Variants in PVT1 observed in about 807,000 individuals in gnomAD.
The protein encoded by PVT1 is CXCR4/PVT1 fusion.
intron 4 of PVT1, among the ~76,000 whole-genome samples, chr8:128,014,405 G>A (rs1004722718): frequency 5.3e-5 from 8 of 152,166 alleles, no homozygotes; most frequent in African/African-American, 1.7e-4. Context: ...ATTATTTTGC[G>A]ATATCTTCAG....
intron 5 of PVT1, among the ~76,000 whole-genome samples, chr8:128,094,940 C>T (rs933171469): frequency 6.6e-6 from 1 of 152,190 alleles, no homozygotes; most frequent in South Asian, 2.1e-4. Context: ...TTTTGCGTCT[C>T]GTGGTTCCAG....
At chr8:127,995,368 A>C (rs1369064982) in intron 4 of PVT1, among the ~76,000 whole-genome samples, 4 of 152,196 alleles carry the variant, frequency 2.6e-5, no homozygotes, top group Non-Finnish European at 5.9e-5. Context: ...TCCTGTGTTC[A>C]CAGCATCCGG....
At chr8:127,887,512 G>A (rs1463415639) in intron 2 of PVT1, among the ~76,000 whole-genome samples, 1 of 152,152 alleles carries the variant, frequency 6.6e-6, no homozygotes, top group African/African-American at 2.4e-5. Context: ...TAGAAACACT[G>A]TCTTATTTAT....
chr8:127,896,774 T>TG (rs1554595087), intron 3 of PVT1, among the ~76,000 whole-genome samples: 16 of 112,350 alleles, frequency 1.4e-4, no homozygotes, highest in Non-Finnish European at 2.2e-4. Context: ...ATGCCTTTCC[T>TG]CCCCCCCCCC....
intron 2 of PVT1, among the ~76,000 whole-genome samples, chr8:127,868,795 A>ATATATACATATG (rs1815318960): frequency 1.8e-5 from 1 of 55,332 alleles, no homozygotes; most frequent in African/African-American, 4.7e-5. Context: ...ATATATATAC[A>ATATATACATATG]TATATATGTA....
chr8:127,824,338 C>G (rs1814764104), intron 2 of PVT1, among the ~76,000 whole-genome samples: 1 of 152,184 alleles, frequency 6.6e-6, no homozygotes, highest in Admixed American at 6.5e-5. Flanking sequence ...AGGCCCCTCC[C>G]TTGGGGCCCC....
At chr8:127,819,057 A>G (rs1210096295) in intron 2 of PVT1, among the ~76,000 whole-genome samples, 1 of 152,106 alleles carries the variant, frequency 6.6e-6, no homozygotes, top group African/African-American at 2.4e-5. Context: ...GGGTCTTGCT[A>G]TGTGGTCCCT....
At chr8:127,804,550 T>C (rs1814504488) in intron 2 of PVT1, among the ~76,000 whole-genome samples, 1 of 149,772 alleles carries the variant, frequency 6.7e-6, no homozygotes, top group African/African-American at 2.5e-5. Context: ...TTTTTTTTTT[T>C]TTTTTTTTGA....
At chr8:127,831,217 C>T (rs947913241) in intron 2 of PVT1, among the ~76,000 whole-genome samples, 4 of 150,990 alleles carry the variant, frequency 2.6e-5, no homozygotes, top group Non-Finnish European at 4.4e-5. Flanking sequence ...AATACAGAGG[C>T]TGAGGCAGGA....
rs558393533 is a variant in PVT1, at chr8:127,941,179, G to A, written n.783-47983G>A. 8.1e-4 allele frequency among the ~76,000 whole-genome samples: 124 copies of A among 152,284 alleles called. 1 individual carries two copies. Among genetic ancestry groups the A allele is most frequent in the African/African-American group, 3.0e-3 (123 of 41,560 alleles). On this transcript the variant is annotated intron_variant and non_coding_transcript_variant, in intron 3 of 10. Transcript: ENST00000651587. ...GCAATGGTGGGTCCAGTTCCTTTTA[G>A]GATTTAAATCTTTTCTCCCTCTTTC... is the stretch of plus-strand genomic sequence containing the variant.
At chr8:127,826,326 C>T (rs748371431) in intron 2 of PVT1, among the ~76,000 whole-genome samples, 73 of 152,232 alleles carry the variant, frequency 4.8e-4, no homozygotes, top group Non-Finnish European at 8.5e-4. Context: ...ATTGCTTGAC[C>T]TGGTGCCTAA....
chr8:127,798,704 C>CAAAAAAAAAAAA (rs71300266), intron 2 of PVT1, among the ~76,000 whole-genome samples: 3 of 110,464 alleles, frequency 2.7e-5, no homozygotes, highest in Admixed American at 1.0e-4. Flanking sequence ...ACTAAAAATA[C>CAAAAAAAAAAAA]AAAAAAAAAA....
chr8:127,992,782 C>A (rs1817058060), intron 4 of PVT1, among the ~76,000 whole-genome samples: 1 of 152,192 alleles, frequency 6.6e-6, no homozygotes, highest in African/African-American at 2.4e-5. Context: ...TTTTGGACTC[C>A]TCTTCTGGCC....
chr8:127,937,066 C>T lies in PVT1; in HGVS notation n.782+46068C>T, dbSNP rs937026701. On this transcript the variant is annotated intron_variant and non_coding_transcript_variant, in intron 3 of 10. Transcript: ENST00000651587. ...GTCCAGACCAAGTCACCTAACCCCT[C>T]GGGCTTGCAGCCCGCATCATCCACT... Among the ~76,000 whole-genome samples the T allele has an allele frequency of 9.8e-5, 15 of 152,340 alleles. No individual in the cohort carries two copies. In the East Asian group the frequency reaches 1.9e-3, roughly 20 times the overall value.
intron 2 of PVT1, among the ~76,000 whole-genome samples, chr8:127,797,520 A>C (rs866720199): frequency 7.6e-4 from 116 of 152,298 alleles, no homozygotes; most frequent in African/African-American, 2.6e-3. Context: ...ATCCCTAGAG[A>C]GTCTCAGAAA....
chr8:128,005,054 C>G (rs1418745424), intron 4 of PVT1, among the ~76,000 whole-genome samples: 1 of 151,864 alleles, frequency 6.6e-6, no homozygotes, highest in Non-Finnish European at 1.5e-5. Context: ...GCAGGAGAAT[C>G]GCTTGAACCT....
At chr8:128,058,089 T>C (rs1317810815) in intron 4 of PVT1, among the ~76,000 whole-genome samples, 1 of 152,196 alleles carries the variant, frequency 6.6e-6, no homozygotes, top group East Asian at 1.9e-4. Flanking sequence ...TGAATGGAGT[T>C]GGTTACCTGA....
At chr8:127,899,107 C>T (rs2129821043) in intron 3 of PVT1, among the ~76,000 whole-genome samples, 1 of 152,316 alleles carries the variant, frequency 6.6e-6, no homozygotes, top group Middle Eastern at 3.4e-3. Flanking sequence ...GCCCCAGAAG[C>T]TTCCTGTTGC....
intron 2 of PVT1, among the ~76,000 whole-genome samples, chr8:127,883,476 T>A (rs961268503): frequency 6.6e-6 from 1 of 150,910 alleles, no homozygotes; most frequent in Admixed American, 6.6e-5. Flanking sequence ...GAAATGACAG[T>A]GGGGGGAATG....
Sources: allele counts gnomAD v4.1 joint callset (sites outside exome capture counted in the v4.1 genomes callset), GRCh38; gene constraint gnomAD v4.1.1; transcripts MANE v1.5; gene names NCBI Gene and HGNC (gene_info 2026-07-23, HGNC 2026-07-21).